Variants in PRR16 observed in about 807,000 individuals in gnomAD.
PRR16 encodes the protein proline rich 16.
PRR16 carries 6 observed loss-of-function variants against 18.2 expected under a neutral mutation model. That is an observed-to-expected ratio of 0.33 (90% CI 0.18 to 0.65). The LOEUF is 0.65. Ranked by LOEUF, PRR16 falls within the 30% of genes least tolerant of loss-of-function variation. PRR16 has a pLI of 0.74. For missense variants in PRR16, 412 were observed against 376.6 expected (o/e 1.09, Z -0.78); for synonymous variants, 151 against 147.8 (o/e 1.02, Z -0.16).
chr5:120,750,776 C>T, the PRR16 span, among the ~76,000 whole-genome samples: 2 of 152,070 alleles, frequency 1.3e-5, no homozygotes, highest in Non-Finnish European at 2.9e-5. Flanking sequence ...TCGAGATATT[C>T]ACCACTTCAA....
intron 1 of PRR16, among the ~76,000 whole-genome samples, chr5:120,592,278 A>T (rs1753662140): frequency 6.6e-6 from 1 of 152,200 alleles, no homozygotes; most frequent in African/African-American, 2.4e-5. Flanking sequence ...TTAACATGGA[A>T]AATATACTTG....
chr5:120,784,415 G>T, the PRR16 span, among the ~76,000 whole-genome samples: 3 of 152,110 alleles, frequency 2.0e-5, no homozygotes, highest in African/African-American at 7.2e-5. Flanking sequence ...GGAGTGAAAT[G>T]ATATCTCATT....
chr5:120,749,392 A>C, the PRR16 span, among the ~76,000 whole-genome samples: 1 of 152,140 alleles, frequency 6.6e-6, no homozygotes, highest in African/African-American at 2.4e-5. Flanking sequence ...TTTTTTATCC[A>C]TCCATGGGCA....
intron 1 of PRR16, among the ~76,000 whole-genome samples, chr5:120,559,765 G>C (rs1305619127): frequency 6.6e-6 from 1 of 151,744 alleles, no homozygotes; most frequent in Non-Finnish European, 1.5e-5. Flanking sequence ...TTTTAACATT[G>C]TTGATTCTTC....
chr5:120,738,174 A>G, the PRR16 span, among the ~76,000 whole-genome samples: 1 of 152,142 alleles, frequency 6.6e-6, no homozygotes, highest in Non-Finnish European at 1.5e-5. Flanking sequence ...AATCAGTAGA[A>G]TATGGAATAT....
At chr5:120,539,676 AGAAAAAAAAACAATGCTATCTGT>A in intron 1 of PRR16, among the ~76,000 whole-genome samples, 2 of 152,236 alleles carry the variant, frequency 1.3e-5, no homozygotes, top group Middle Eastern at 6.8e-3. Context: ...GAACTTGAAA[AGAAAAAAAAACAATGCTATCTGT>A]GTCAGTAAAA....
chr5:120,595,130 A>G (rs76349036), intron 1 of PRR16, among the ~76,000 whole-genome samples: 2 of 152,242 alleles, frequency 1.3e-5, no homozygotes, highest in Admixed American at 1.3e-4. Flanking sequence ...TAATTAAACC[A>G]AAGAGCTTGT....
At chr5:120,628,317 C>T (rs1356685680) in intron 1 of PRR16, among the ~76,000 whole-genome samples, 1 of 151,954 alleles carries the variant, frequency 6.6e-6, no homozygotes, top group Non-Finnish European at 1.5e-5. Flanking sequence ...GTTTTTAAGA[C>T]AGTTGTTTTT....
intron 1 of PRR16, among the ~76,000 whole-genome samples, chr5:120,580,531 T>C (rs1276746796): frequency 5.3e-5 from 8 of 149,790 alleles, no homozygotes. Flanking sequence ...CTCGGCTCAC[T>C]GCAAGCTCCA....
chr5:120,694,911 G>A, the PRR16 span, among the ~76,000 whole-genome samples: 13 of 152,020 alleles, frequency 8.6e-5, no homozygotes, highest in South Asian at 2.7e-3. Context: ...AAAATATCTA[G>A]GTTTGTGGTT....
the PRR16 span, among the ~76,000 whole-genome samples, chr5:120,730,535 A>G: frequency 6.6e-6 from 1 of 152,184 alleles, no homozygotes; most frequent in South Asian, 2.1e-4. Context: ...GTTCATGAAG[A>G]GGAGCAGTGG....
the PRR16 span, among the ~76,000 whole-genome samples, chr5:120,711,499 A>C: frequency 1.3e-5 from 2 of 152,194 alleles, no homozygotes; most frequent in African/African-American, 4.8e-5. Flanking sequence ...TACTACCCCA[A>C]GCTGATTAAG....
the PRR16 span, among the ~76,000 whole-genome samples, chr5:120,765,999 C>CCAGTGTTTATAGGTATAGTTA: frequency 6.6e-6 from 1 of 151,788 alleles, no homozygotes; most frequent in Non-Finnish European, 1.5e-5. Context: ...TTTATCCATT[C>CCAGTGTTTATAGGTATAGTTA]CAGTGTTTAT....
the PRR16 span, among the ~76,000 whole-genome samples, chr5:120,764,574 G>A: frequency 6.6e-6 from 1 of 151,836 alleles, no homozygotes; most frequent in African/African-American, 2.4e-5. Flanking sequence ...AAACTAGTTG[G>A]CGAGGTGGCC....
chr5:120,474,629 T>C (rs1363698128), intron 1 of PRR16, among the ~76,000 whole-genome samples: 2 of 152,128 alleles, frequency 1.3e-5, no homozygotes, highest in African/African-American at 4.8e-5. Context: ...TATTTTTCTT[T>C]ACATTTACCT....
intron 1 of PRR16, among the ~76,000 whole-genome samples, chr5:120,666,655 G>A (rs1277825075): frequency 1.3e-5 from 2 of 151,688 alleles, no homozygotes; most frequent in African/African-American, 2.4e-5. Flanking sequence ...TTTATTGAGA[G>A]TTTTTAGCAT....
chr5:120,569,019 T>A (rs1237382926), intron 1 of PRR16, among the ~76,000 whole-genome samples: 1 of 151,974 alleles, frequency 6.6e-6, no homozygotes, highest in African/African-American at 2.4e-5. Flanking sequence ...GACCCTAGGG[T>A]CACATTAGAT....
chr5:120,677,052 A>G (rs1756821213), intron 1 of PRR16, among the ~76,000 whole-genome samples: 1 of 152,214 alleles, frequency 6.6e-6, no homozygotes, highest in Non-Finnish European at 1.5e-5. Flanking sequence ...CTTTCAGAAG[A>G]TAACCACAGT....
At chr5:120,707,237 G>A in the PRR16 span, among the ~76,000 whole-genome samples, 1 of 152,136 alleles carries the variant, frequency 6.6e-6, no homozygotes, top group Non-Finnish European at 1.5e-5. Flanking sequence ...CCTGAGGCTT[G>A]GAGGTGTTAC....
Sources: allele counts gnomAD v4.1 joint callset (sites outside exome capture counted in the v4.1 genomes callset), GRCh38; gene constraint gnomAD v4.1.1; transcripts MANE v1.5; gene names NCBI Gene and HGNC (gene_info 2026-07-23, HGNC 2026-07-21).